Variants in FCGR2A observed in about 807,000 individuals in gnomAD.
FCGR2A encodes the protein low affinity immunoglobulin gamma Fc region receptor II-a.
Under a neutral mutation model 29.3 loss-of-function variants are expected in FCGR2A, and 18 were observed. The observed-to-expected ratio is 0.62, with a 90% confidence interval of 0.43 to 0.91. The LOEUF (loss-of-function observed/expected upper bound fraction) is 0.91, where lower values mean the gene tolerates loss of function less well. Among genes scored for constraint, FCGR2A ranks in the 40% least tolerant of loss-of-function variants. The probability of loss-of-function intolerance (pLI) is 0.00; values close to 1 mark genes in which losing one functional copy is unlikely to be tolerated. For synonymous variants in FCGR2A, 126 were observed against 144.8 expected, an observed-to-expected ratio of 0.87 and a Z score of 0.93; for missense variants, 287 against 393.0, an observed-to-expected ratio of 0.73 and a Z score of 2.28.
chr1:161,521,955 T>C (rs1406185780), downstream of FCGR2A, among the ~76,000 whole-genome samples: 2 of 152,136 alleles, frequency 1.3e-5, no homozygotes, highest in Non-Finnish European at 2.9e-5. Context: ...AGAATGTCTA[T>C]TTAAGTCATT....
chr1:161,520,177 C>T (rs1156794835), downstream of FCGR2A, among the ~76,000 whole-genome samples: 3 of 152,060 alleles, frequency 2.0e-5, no homozygotes, highest in South Asian at 4.1e-4. Flanking sequence ...AGTCTGTTCT[C>T]ACGCTGCTAT....
chr1:161,510,991 T>C (rs373398704), intron 5 of FCGR2A, 35 bp downstream of exon 5: 1 of 1,613,830 alleles, frequency 6.2e-7, no homozygotes, highest in African/African-American at 1.3e-5. Context: ...TTGTTATCAG[T>C]TTCCATTTGG....
chr1:161,505,898 A>G, intron 1 of FCGR2A, 89 bp from the exon 2 acceptor site: 1 of 1,321,368 alleles, frequency 7.6e-7, no homozygotes, highest in South Asian at 1.2e-5. Context: ...GAAGAGCCCA[A>G]GCTCACCTCC....
chr1:161,522,231 C>A (rs772558696), downstream of FCGR2A, among the ~76,000 whole-genome samples: 78 of 152,102 alleles, frequency 5.1e-4, no homozygotes, highest in Non-Finnish European at 9.1e-4. Context: ...AACAAAAAAA[C>A]CCCCAACAAC....
intron 1 of FCGR2A, chr1:161,505,779 C>A: frequency 1.4e-6 from 1 of 715,268 alleles, no homozygotes; most frequent in Non-Finnish European, 2.5e-6. Context: ...TTCATGTGTA[C>A]TTTGTAGTCA....
At position 161,518,125 on chromosome 1, in the gene FCGR2A, G is replaced by A. The variant is rs769355967; in HGVS notation, c.931G>A (p.Asp311Asn). 17 of 1,613,528 alleles carry A rather than the reference G, an allele frequency of 1.1e-5. No individual in the cohort carries two copies. Among genetic ancestry groups the A allele is most frequent in the Admixed American group, 6.7e-5 (4 of 59,950 alleles). ...CATCTACCTGACTCTTCCTCCCAAC[G>A]ACCATGTCAACAGTAATAACTAAAG... ...KNIYLTLPPNDHVNSNN is the reference protein window; with the variant it reads ...KNIYLTLPPNNHVNSNN Residue 311 changes from aspartate (D) to asparagine (N), a missense_variant, in exon 7 of 7, where the codon GAC (aspartate) becomes AAC (asparagine). Physicochemically the swap from Asp to Asn is conservative, Grantham distance 23. This residue lies in a region of FCGR2A where 34 missense variants were observed against 73.5 expected (regional missense o/e 0.46). Transcript: ENST00000271450.
rs982920196 is a variant in FCGR2A at position 161,505,704 on chromosome 1, G to A, written c.85+152G>A. 39 of 744,380 alleles carry A rather than the reference G, an allele frequency of 5.2e-5. No homozygotes were observed. The South Asian group carries it at 5.5e-4, about 11-fold the overall frequency. 46.1% of individuals were successfully genotyped at this position (744,380 alleles called of 1,614,324 possible). A position where few individuals can be genotyped will look rare whatever the true frequency, so the allele number is the denominator to read the frequency against. On this transcript the variant is annotated intron_variant, in intron 1 of 6. Transcript: ENST00000271450. ...ACCCTGAATTCTTAAGTGTTCCAAT[G>A]GTTCCTAAGGTCAGAACTCAGAGGT...
At chr1:161,515,312 C>T (rs1326860077) in intron 6 of FCGR2A, among the ~76,000 whole-genome samples, 1 of 152,210 alleles carries the variant, frequency 6.6e-6, no homozygotes, top group East Asian at 1.9e-4. Flanking sequence ...ATGCTAACGT[C>T]CTTAAAAAAT....
In FCGR2A at chr1:161,519,673, A is replaced by G. The variant is rs149545860; in HGVS notation, c.*1525A>G. 1 of 152,274 alleles carries G rather than the reference A, an allele frequency of 6.6e-6. No homozygotes were observed. Among genetic ancestry groups the G allele is most frequent in the Admixed American group, 6.5e-5 (1 of 15,276 alleles). The allele number at this position is 152,274 out of a possible 1,614,324, so 9.4% of individuals were successfully genotyped here. A position where few individuals can be genotyped will look rare whatever the true frequency, so the allele number is the denominator to read the frequency against. On this transcript the variant is annotated 3_prime_UTR_variant, in exon 7 of 7. Transcript: ENST00000271450. ...AAGTCTTGAGAAGGTAGTAATGGAT[A>G]AGATGTGAGGGAGAGGAGAGAGGGA...
chr1:161,508,473 G>C (rs1338205354), intron 3 of FCGR2A, among the ~76,000 whole-genome samples: 1 of 151,622 alleles, frequency 6.6e-6, no homozygotes, highest in Non-Finnish European at 1.5e-5. Flanking sequence ...CTGTAATCCA[G>C]CTACTCAGGA....
chr1:161,512,189 A>G lies in FCGR2A; in HGVS notation c.742+1233A>G, dbSNP rs577288011. ...GTTAGGGGCTGTAAGACTGAGGCCAATCGGACGTGGGAGGCAGGAGTCTAA... is the reference window on the plus strand; with the variant it reads ...GTTAGGGGCTGTAAGACTGAGGCCAGTCGGACGTGGGAGGCAGGAGTCTAA... On this transcript the variant is annotated intron_variant, in intron 5 of 6. Coordinates refer to ENST00000271450, the MANE Select transcript of FCGR2A (RefSeq NM_001136219.3). 5.6e-3 allele frequency among the ~76,000 whole-genome samples: 845 copies of G among 150,328 alleles called. 4 individuals are homozygous for G. Among genetic ancestry groups the G allele is most frequent in the African/African-American group, 0.019 (785 of 40,782 alleles).
chr1:161,510,805 C>A (rs1408508523), intron 4 of FCGR2A, 29 bp from the exon 5 acceptor site: 2 of 1,613,314 alleles, frequency 1.2e-6, no homozygotes, highest in South Asian at 2.2e-5. Context: ...AGTAACCCCC[C>A]ATCCTGCCCT....
rs1237624415 is a variant in FCGR2A, at chr1:161,518,256, A to G, written c.*108A>G. On this transcript the variant is annotated 3_prime_UTR_variant, in exon 7 of 7. Coordinates refer to ENST00000271450, the MANE Select transcript of FCGR2A (RefSeq NM_001136219.3). ...AATGGAGACTGGAAAAATCCTGAGC[A>G]AACAAAACCACCTGGCCCTTAGAAA... 2.0e-6 allele frequency: 3 copies of G among 1,527,860 alleles called. No homozygotes were observed. Among genetic ancestry groups the G allele is most frequent in the East Asian group, 2.3e-5 (1 of 44,032 alleles). 94.6% of individuals were successfully genotyped at this position (1,527,860 alleles called of 1,614,324 possible).
chr1:161,505,769 T>C (rs1431922532), intron 1 of FCGR2A: 1 of 711,080 alleles, frequency 1.4e-6, no homozygotes, highest in African/African-American at 1.8e-5. Flanking sequence ...GCACCAAACA[T>C]TCATGTGTAC....
At chr1:161,523,544 G>C (rs1009898626), downstream of FCGR2A, 1 of 152,010 alleles carries the variant, frequency 6.6e-6, no homozygotes, top group African/African-American at 2.4e-5. Flanking sequence ...CCTCTCCACC[G>C]GGCCTCTGGA....
chr1:161,523,946 T>C (rs1191576946), downstream of FCGR2A: 1 of 152,626 alleles, frequency 6.6e-6, no homozygotes, highest in Non-Finnish European at 1.5e-5. Flanking sequence ...TGCAGTATTG[T>C]CTCTTAAAGC....
downstream of FCGR2A, chr1:161,523,844 A>C (rs546805496): frequency 1.3e-5 from 2 of 152,002 alleles, no homozygotes; most frequent in African/African-American, 4.8e-5. Context: ...AAAAAAATGA[A>C]AGTGCATTGG....
At chr1:161,523,011 C>A (rs1676514089), downstream of FCGR2A, 1 of 152,094 alleles carries the variant, frequency 6.6e-6, no homozygotes, top group Non-Finnish European at 1.5e-5. Flanking sequence ...TCTCTTTTTA[C>A]AAATGGAAGT....
At chr1:161,510,571 C>G (rs556945748) in intron 4 of FCGR2A, among the ~76,000 whole-genome samples, 1 of 152,310 alleles carries the variant, frequency 6.6e-6, no homozygotes, top group Non-Finnish European at 1.5e-5. Context: ...TCCCTCTGCT[C>G]CTGCATGCTC....
Sources: gnomAD v4.1 joint callset for allele counts (sites outside exome capture counted in the v4.1 genomes callset) on GRCh38, gnomAD v4.1.1 for gene constraint, gnomAD v4.1.1 regional missense constraint, MANE v1.5 for transcripts, NCBI Gene and HGNC (gene_info 2026-07-23, HGNC 2026-07-21) for gene names.